The following WWOX variants were observed in gnomAD, a reference collection of about 807,000 sequenced individuals.
WWOX encodes the protein WW domain containing oxidoreductase.
A neutral mutation model predicts 46.2 loss-of-function variants in WWOX; 69 were observed. The ratio of observed to expected loss-of-function variants is 1.49; its 90% confidence interval spans 1.23 to 1.82. The LOEUF is 1.82. Among genes scored for constraint, WWOX ranks in the 40% most tolerant of loss-of-function variants. The pLI, the probability that WWOX is intolerant of heterozygous loss-of-function variation, is 0.00. For missense variants in WWOX, 919 were observed against 542.6 expected (o/e 1.69, Z -6.89); for synonymous variants, 359 against 202.6 (o/e 1.77, Z -6.56).
intron 5 of WWOX, among the ~76,000 whole-genome samples, chr16:78,231,166 G>C (rs889918455): frequency 5.3e-5 from 8 of 152,180 alleles, no homozygotes; most frequent in Admixed American, 1.3e-4. Flanking sequence ...TTTAAGGGCT[G>C]GGGTGGAGGA....
chr16:78,882,600 CG>C (rs2151216946), intron 8 of WWOX, among the ~76,000 whole-genome samples: 1 of 33,422 alleles, frequency 3.0e-5, no homozygotes, highest in Non-Finnish European at 6.1e-5. Flanking sequence ...CCTCGCCTCC[CG>C]AGTAGCCTCC....
intron 8 of WWOX, among the ~76,000 whole-genome samples, chr16:78,948,532 C>G (rs530680019): frequency 7.9e-5 from 12 of 152,248 alleles, no homozygotes; most frequent in African/African-American, 2.6e-4. Context: ...GCTCTGCTGC[C>G]TGATTGGTAG....
chr16:78,810,371 A>C (rs1124597), intron 8 of WWOX, among the ~76,000 whole-genome samples: 1 of 152,148 alleles, frequency 6.6e-6, no homozygotes, highest in South Asian at 2.1e-4. Flanking sequence ...ATGTGGACAC[A>C]TGCAGCCACA....
intron 8 of WWOX, among the ~76,000 whole-genome samples, chr16:78,491,057 G>C (rs2084773710): frequency 6.6e-6 from 1 of 152,132 alleles, no homozygotes; most frequent in South Asian, 2.1e-4. Flanking sequence ...AGTGAACTGA[G>C]CTCACCAGGC....
At chr16:78,865,437 G>T (rs889365706) in intron 8 of WWOX, among the ~76,000 whole-genome samples, 1 of 152,248 alleles carries the variant, frequency 6.6e-6, no homozygotes, top group South Asian at 2.1e-4. Context: ...TCACATCATG[G>T]CTCCTTCTCT....
At chr16:78,694,838 G>C (rs1024765482) in intron 8 of WWOX, among the ~76,000 whole-genome samples, 1 of 146,934 alleles carries the variant, frequency 6.8e-6, no homozygotes, top group African/African-American at 2.5e-5. Flanking sequence ...TTTTTTTTCC[G>C]CTGCATTCTG....
At chr16:78,596,683 G>C (rs1421445503) in intron 8 of WWOX, among the ~76,000 whole-genome samples, 2 of 152,188 alleles carry the variant, frequency 1.3e-5, no homozygotes, top group Non-Finnish European at 2.9e-5. Context: ...AGCCAGCAGG[G>C]AGAATCAGTT....
At chr16:78,796,670 C>G (rs1258155840) in intron 8 of WWOX, among the ~76,000 whole-genome samples, 1 of 152,160 alleles carries the variant, frequency 6.6e-6, no homozygotes, top group Non-Finnish European at 1.5e-5. Flanking sequence ...AGAGATATAT[C>G]TGTTTATCAG....
chr16:78,158,771 G>A (rs557931972), intron 4 of WWOX, among the ~76,000 whole-genome samples: 6 of 152,060 alleles, frequency 3.9e-5, no homozygotes, highest in African/African-American at 9.7e-5. Flanking sequence ...CGTATTTGAT[G>A]TATAGAACTT....
intron 8 of WWOX, among the ~76,000 whole-genome samples, chr16:78,570,674 A>G (rs1042750297): frequency 2.0e-5 from 3 of 152,168 alleles, no homozygotes; most frequent in African/African-American, 7.2e-5. Context: ...TTCTGAAGAC[A>G]CAAAGGTGAA....
intron 8 of WWOX, among the ~76,000 whole-genome samples, chr16:78,927,711 TG>T (rs2045530777): frequency 1.3e-5 from 2 of 152,244 alleles, no homozygotes; most frequent in African/African-American, 2.4e-5. Context: ...TGAGCTTACT[TG>T]GTGCCTGGGC....
At chr16:78,945,705 C>T (rs1203269762) in intron 8 of WWOX, among the ~76,000 whole-genome samples, 2 of 152,022 alleles carry the variant, frequency 1.3e-5, no homozygotes, top group East Asian at 1.9e-4. Flanking sequence ...CCCTTTCTCC[C>T]CTGCATTGTC....
At chr16:79,116,205 C>A (rs190216078) in intron 8 of WWOX, among the ~76,000 whole-genome samples, 2 of 152,084 alleles carry the variant, frequency 1.3e-5, no homozygotes, top group Non-Finnish European at 2.9e-5. Flanking sequence ...ATCAAGTTGG[C>A]GGTTGCTGAA....
chr16:79,109,557 C>G (rs2049377074), intron 8 of WWOX, among the ~76,000 whole-genome samples: 1 of 152,062 alleles, frequency 6.6e-6, no homozygotes, highest in Non-Finnish European at 1.5e-5. Flanking sequence ...AGTTGCTATT[C>G]AAAAGTGGAG....
chr16:78,323,423 G>T (rs11645021), intron 5 of WWOX, among the ~76,000 whole-genome samples: 1 of 152,108 alleles, frequency 6.6e-6, no homozygotes, highest in African/African-American at 2.4e-5. Flanking sequence ...TGTATTAATA[G>T]TAGGGAGACA....
At chr16:78,592,576 C>T (rs1461608567) in intron 8 of WWOX, among the ~76,000 whole-genome samples, 1 of 152,104 alleles carries the variant, frequency 6.6e-6, no homozygotes, top group Non-Finnish European at 1.5e-5. Context: ...GAAGAAGCCT[C>T]AGTGGGGTTG....
At chr16:78,499,854 A>G (rs2085017524) in intron 8 of WWOX, among the ~76,000 whole-genome samples, 1 of 152,208 alleles carries the variant, frequency 6.6e-6, no homozygotes. Context: ...ATTTCATGCC[A>G]TGGACCCCTC....
At chr16:78,242,773 C>T (rs1029308748) in intron 5 of WWOX, among the ~76,000 whole-genome samples, 8 of 152,082 alleles carry the variant, frequency 5.3e-5, no homozygotes, top group African/African-American at 1.7e-4. Context: ...TTTGGGAGGC[C>T]GAGGCAGGCA....
intron 8 of WWOX, among the ~76,000 whole-genome samples, chr16:78,874,480 T>G (rs2044193448): frequency 2.0e-5 from 3 of 151,968 alleles, no homozygotes; most frequent in African/African-American, 7.2e-5. Context: ...AATTATGGAC[T>G]TGTCTGAGCC....
Sources: gnomAD v4.1 joint callset for allele counts (sites outside exome capture counted in the v4.1 genomes callset) on GRCh38, gnomAD v4.1.1 for gene constraint, MANE v1.5 for transcripts, NCBI Gene and HGNC (gene_info 2026-07-23, HGNC 2026-07-21) for gene names.